The following WDR44 variants were observed in gnomAD, a reference collection of about 807,000 sequenced individuals.
WDR44 encodes the protein WD repeat domain 44.
A neutral mutation model predicts 65.7 loss-of-function variants in WDR44; 9 were observed. That is an observed-to-expected ratio of 0.14 (90% CI 0.08 to 0.24). The LOEUF (loss-of-function observed/expected upper bound fraction) is 0.24. Ranked by LOEUF, WDR44 falls within the 10% of genes least tolerant of loss-of-function variation. WDR44 has a pLI of 1.00. For synonymous variants in WDR44, 220 were observed against 235.2 expected, an observed-to-expected ratio of 0.94 and a Z score of 0.59; for missense variants, 425 against 670.9, an observed-to-expected ratio of 0.63 and a Z score of 4.05.
At chrX:118,399,930 T>A (rs1222941171) in intron 8 of WDR44, among the ~76,000 whole-genome samples, 3 of 110,842 alleles carry the variant, frequency 2.7e-5, no homozygotes, top group African/African-American at 9.8e-5. Context: ...TACCAAAAAA[T>A]TTTAAAAATT....
At chrX:118,418,169 C>T (rs757169838) in intron 12 of WDR44, among the ~76,000 whole-genome samples, 1 of 111,679 alleles carries the variant, frequency 9.0e-6, no homozygotes, top group Non-Finnish European at 1.9e-5. Flanking sequence ...TAACTAACCT[C>T]CTGAATTCTT....
intron 2 of WDR44, among the ~76,000 whole-genome samples, chrX:118,381,797 G>A (rs1295239268): frequency 9.2e-6 from 1 of 108,610 alleles, no homozygotes; most frequent in African/African-American, 3.4e-5. Flanking sequence ...GGTCTCAAAT[G>A]ACCTCAAGTG....
At chrX:118,401,628 C>G (rs1319321565) in intron 8 of WDR44, among the ~76,000 whole-genome samples, 2 of 85,315 alleles carry the variant, frequency 2.3e-5, no homozygotes, top group East Asian at 7.8e-4. Context: ...GTTGCCTGTT[C>G]ACTCTGATGG....
intron 12 of WDR44, among the ~76,000 whole-genome samples, chrX:118,424,323 G>GTGTGTGTGTATATATATATATATATATA (rs1289349202): frequency 1.5e-5 from 1 of 65,566 alleles, no homozygotes; most frequent in African/African-American, 9.9e-5. Context: ...GTGTGTGTGT[G>GTGTGTGTGTATATATATATATATATATA]TATATATATA....
At chrX:118,376,678 A>G (rs926288300) in intron 1 of WDR44, among the ~76,000 whole-genome samples, 7 of 111,745 alleles carry the variant, frequency 6.3e-5, no homozygotes, top group Admixed American at 9.5e-5. Context: ...TGTGGGGGAA[A>G]GGGTGAAATG....
intron 3 of WDR44, among the ~76,000 whole-genome samples, chrX:118,390,123 T>C (rs2056806513): frequency 9.1e-6 from 1 of 109,983 alleles, no homozygotes; most frequent in Non-Finnish European, 1.9e-5. Context: ...GGTTTCACCA[T>C]GTTGGCCAGG....
chrX:118,413,183 ACTT>A (rs2057026308), intron 12 of WDR44, among the ~76,000 whole-genome samples: 1 of 111,776 alleles, frequency 8.9e-6, no homozygotes, highest in African/African-American at 3.2e-5. Context: ...TCTAATAATG[ACTT>A]CTTTTCCTCT....
chrX:118,351,426 A>G (rs2147657058), intron 1 of WDR44, among the ~76,000 whole-genome samples: 1 of 112,211 alleles, frequency 8.9e-6, no homozygotes, highest in South Asian at 3.7e-4. Flanking sequence ...AAATTGATAC[A>G]AGTTTTAATT....
At chrX:118,371,977 C>G (rs1602880751) in intron 1 of WDR44, among the ~76,000 whole-genome samples, 1 of 100,874 alleles carries the variant, frequency 9.9e-6, no homozygotes, top group African/African-American at 3.7e-5. Flanking sequence ...AAATATTTTT[C>G]TATTTTTCTT....
intron 14 of WDR44, among the ~76,000 whole-genome samples, chrX:118,438,568 G>A (rs5956991): frequency 0.26 from 28,626 of 109,217 alleles, 3,168 homozygotes; most frequent in African/African-American, 0.39. Flanking sequence ...AGGTAGCTGG[G>A]ACTACAGGCA....
intron 3 of WDR44, among the ~76,000 whole-genome samples, chrX:118,387,648 T>A (rs2056783043): frequency 8.9e-6 from 1 of 112,080 alleles, no homozygotes; most frequent in Admixed American, 9.5e-5. Context: ...AATGCTTTTA[T>A]TTTTTGTTCT....
chrX:118,417,510 C>T (rs1388888466), intron 12 of WDR44, among the ~76,000 whole-genome samples: 5 of 111,555 alleles, frequency 4.5e-5, no homozygotes, highest in Non-Finnish European at 9.4e-5. Context: ...AAGATAGGGC[C>T]CCAATCCCTT....
chrX:118,438,887 C>T (rs755742386), intron 14 of WDR44, among the ~76,000 whole-genome samples: 1 of 100,822 alleles, frequency 9.9e-6, no homozygotes, highest in East Asian at 3.3e-4. Context: ...CTCCCGAGTT[C>T]AAGCAGTTCT....
intron 2 of WDR44, among the ~76,000 whole-genome samples, chrX:118,381,722 G>A (rs974695301): frequency 1.9e-5 from 2 of 106,784 alleles, no homozygotes; most frequent in East Asian, 3.0e-4. Flanking sequence ...ATAGGCGCCC[G>A]CCACCACACC....
At chrX:118,424,792 A>G (rs1290796602) in intron 12 of WDR44, among the ~76,000 whole-genome samples, 1 of 111,556 alleles carries the variant, frequency 9.0e-6, no homozygotes, top group African/African-American at 3.3e-5. Flanking sequence ...TCCAATGTCA[A>G]GAAGTTTTTT....
At chrX:118,421,536 C>T (rs2057104814) in intron 12 of WDR44, among the ~76,000 whole-genome samples, 1 of 112,067 alleles carries the variant, frequency 8.9e-6, no homozygotes, top group East Asian at 2.8e-4. Context: ...ACAGTAAACA[C>T]AATGGAGTTT....
intron 8 of WDR44, among the ~76,000 whole-genome samples, chrX:118,402,093 C>T (rs2147712264): frequency 9.2e-6 from 1 of 108,961 alleles, no homozygotes; most frequent in East Asian, 2.9e-4. Context: ...ATATTGTAGT[C>T]TTTCTGAGAG....
At chrX:118,382,193 A>G (rs963924858) in intron 2 of WDR44, among the ~76,000 whole-genome samples, 79 of 111,242 alleles carry the variant, frequency 7.1e-4, no homozygotes, top group African/African-American at 2.4e-3. Flanking sequence ...TAAAAAGTCA[A>G]CTTTTATATG....
intron 12 of WDR44, among the ~76,000 whole-genome samples, chrX:118,426,846 T>C (rs1192942811): frequency 1.8e-5 from 2 of 111,969 alleles, no homozygotes; most frequent in African/African-American, 6.5e-5. Flanking sequence ...CAAAAAATTA[T>C]TAGATATTCT....
Sources: gnomAD v4.1 joint callset for allele counts (sites outside exome capture counted in the v4.1 genomes callset) on GRCh38, gnomAD v4.1.1 for gene constraint, MANE v1.5 for transcripts, NCBI Gene and HGNC (gene_info 2026-07-23, HGNC 2026-07-21) for gene names.